NRP1: variants seen among roughly 807,000 people sequenced by gnomAD.
NRP1 encodes the protein neuropilin-1.
Under a neutral mutation model 106.7 loss-of-function variants are expected in NRP1, and 35 were observed. The ratio of observed to expected loss-of-function variants is 0.33; its 90% confidence interval spans 0.25 to 0.43. The LOEUF is 0.43. Ranked by LOEUF, NRP1 falls within the 20% of genes least tolerant of loss-of-function variation. The pLI, the probability that NRP1 is intolerant of heterozygous loss-of-function variation, is 1.00. For synonymous variants in NRP1, 437 were observed against 417.9 expected, an observed-to-expected ratio of 1.05 and a Z score of -0.56; for missense variants, 1,024 against 1,170.4, an observed-to-expected ratio of 0.87 and a Z score of 1.83.
At chr10:33,284,324 G>T (rs1844356163) in intron 2 of NRP1, among the ~76,000 whole-genome samples, 1 of 152,168 alleles carries the variant, frequency 6.6e-6, no homozygotes, top group Non-Finnish European at 1.5e-5. Flanking sequence ...GCAGTTGACT[G>T]CCCTTTATGC....
intron 2 of NRP1, among the ~76,000 whole-genome samples, chr10:33,310,592 G>A (rs1040710333): frequency 1.3e-5 from 2 of 151,926 alleles, no homozygotes; most frequent in South Asian, 2.1e-4. Context: ...CTGTTCTTTC[G>A]GACCCAAAGA....
rs749023218 is a variant in NRP1, at chr10:33,226,300, A to G, written c.982-11T>C. The G allele has an allele frequency of 6.2e-7, 1 of 1,614,028 alleles. No individual in the cohort carries two copies. The highest frequency in any genetic ancestry group is 2.2e-5 in the East Asian group (1 of 44,874). ...AAGGCCCAAGTCTACCTGCAAGACA[A>G]GTACAAGCGTGGTCAGTGCACCATC... On this transcript the variant is annotated splice_polypyrimidine_tract_variant and intron_variant, in intron 6 of 16. Coordinates refer to ENST00000374867, the MANE Select transcript of NRP1 (RefSeq NM_003873.7).
At position 33,330,683 on chromosome 10, in the gene NRP1, C is replaced by T. The variant is rs768107657; in HGVS notation, c.248+25G>A. The T allele has an allele frequency of 3.8e-6, 6 of 1,599,138 alleles. No homozygotes were observed. The African/African-American group carries it at 8.0e-5, about 21-fold the overall frequency. ...TGACCACTAGATGGTGCTGTGGTGC[C>T]CTGTTCAAAAACATTCCCACTTACT... On this transcript the variant is annotated intron_variant, in intron 2 of 16. Coordinates refer to ENST00000374867, the MANE Select transcript of NRP1 (RefSeq NM_003873.7).
chr10:33,269,861 T>C (rs987593625), intron 3 of NRP1, among the ~76,000 whole-genome samples: 4 of 152,296 alleles, frequency 2.6e-5, no homozygotes, highest in Middle Eastern at 6.8e-3. Context: ...CTGTCTCCCA[T>C]CACCTGTATA....
intron 2 of NRP1, among the ~76,000 whole-genome samples, chr10:33,322,927 GAC>G (rs1468238841): frequency 1.3e-5 from 2 of 152,184 alleles, no homozygotes; most frequent in African/African-American, 4.8e-5. Flanking sequence ...TGATCACAAA[GAC>G]AGAAAGATTT....
At chr10:33,194,633 T>A (rs2474726) in intron 12 of NRP1, 121,839 of 463,654 alleles carry the variant, frequency 0.26, 18,072 homozygotes, top group East Asian at 0.65. Flanking sequence ...CCGCTCTAAG[T>A]TTTTGTATTT....
intron 2 of NRP1, among the ~76,000 whole-genome samples, chr10:33,318,498 T>C (rs905911355): frequency 6.6e-6 from 1 of 151,920 alleles, no homozygotes; most frequent in African/African-American, 2.4e-5. Flanking sequence ...AAGAGGGAAA[T>C]GGTGATGTCT....
chr10:33,239,225 C>A (rs952728854), intron 6 of NRP1, among the ~76,000 whole-genome samples: 1 of 151,748 alleles, frequency 6.6e-6, no homozygotes, highest in Non-Finnish European at 1.5e-5. Flanking sequence ...GAGGTCGATG[C>A]TGCAGTGAGC....
At chr10:33,217,890 GA>G (rs1487353134) in intron 8 of NRP1, among the ~76,000 whole-genome samples, 1 of 152,138 alleles carries the variant, frequency 6.6e-6, no homozygotes, top group Non-Finnish European at 1.5e-5. Flanking sequence ...AGCTTTAATG[GA>G]AAAACTGAGG....
At chr10:33,252,682 C>G (rs1841950691) in intron 6 of NRP1, among the ~76,000 whole-genome samples, 1 of 152,018 alleles carries the variant, frequency 6.6e-6, no homozygotes, top group Non-Finnish European at 1.5e-5. Context: ...TCATACTGAA[C>G]TGCCTGTTGG....
chr10:33,218,637 G>A (rs924101284), intron 8 of NRP1, among the ~76,000 whole-genome samples: 21 of 152,202 alleles, frequency 1.4e-4, no homozygotes, highest in African/African-American at 3.6e-4. Context: ...GAGCCACTGC[G>A]CCCAGTCCAG....
At chr10:33,285,567 A>C (rs1844465070) in intron 2 of NRP1, among the ~76,000 whole-genome samples, 1 of 152,168 alleles carries the variant, frequency 6.6e-6, no homozygotes, top group South Asian at 2.1e-4. Context: ...GGCTGGGTGC[A>C]GTGTTGTAAT....
At chr10:33,310,858 T>A (rs760332103) in intron 2 of NRP1, among the ~76,000 whole-genome samples, 1 of 152,186 alleles carries the variant, frequency 6.6e-6, no homozygotes, top group African/African-American at 2.4e-5. Flanking sequence ...CGGCTTGGGA[T>A]GTGGGGAAGA....
intron 2 of NRP1, among the ~76,000 whole-genome samples, chr10:33,319,797 AG>A (rs1415612742): frequency 6.6e-6 from 1 of 150,962 alleles, no homozygotes; most frequent in Non-Finnish European, 1.5e-5. Context: ...CATGTTAGCC[AG>A]GATGGTCTCG....
chr10:33,286,613 C>T (rs1844578762), intron 2 of NRP1, among the ~76,000 whole-genome samples: 1 of 152,152 alleles, frequency 6.6e-6, no homozygotes, highest in Non-Finnish European at 1.5e-5. Flanking sequence ...GCCTGGATGA[C>T]CATTTAACAC....
chr10:33,290,672 A>G (rs957107503), intron 2 of NRP1, among the ~76,000 whole-genome samples: 1 of 152,130 alleles, frequency 6.6e-6, no homozygotes, highest in Non-Finnish European at 1.5e-5. Context: ...GTTTAAAAAC[A>G]TGTCATAAGT....
intron 2 of NRP1, among the ~76,000 whole-genome samples, chr10:33,317,030 G>A (rs1847086756): frequency 6.6e-6 from 1 of 152,120 alleles, no homozygotes; most frequent in Non-Finnish European, 1.5e-5. Flanking sequence ...AGGTAACAAG[G>A]TCCAAGAAGG....
intron 4 of NRP1, among the ~76,000 whole-genome samples, chr10:33,257,987 A>T (rs527592360): frequency 6.6e-6 from 1 of 152,180 alleles, no homozygotes; most frequent in South Asian, 2.1e-4. Flanking sequence ...TTAGGTAGAC[A>T]TGTCCCTGGA....
intron 10 of NRP1, among the ~76,000 whole-genome samples, chr10:33,204,225 T>G (rs997669435): frequency 6.6e-6 from 1 of 152,090 alleles, no homozygotes; most frequent in Non-Finnish European, 1.5e-5. Context: ...AACTGCTGCT[T>G]TCTTAGTAAA....
Sources: gnomAD v4.1 joint callset for allele counts (sites outside exome capture counted in the v4.1 genomes callset) on GRCh38, gnomAD v4.1.1 for gene constraint, MANE v1.5 for transcripts, NCBI Gene and HGNC (gene_info 2026-07-23, HGNC 2026-07-21) for gene names.